CNTN4: variants seen among roughly 807,000 people sequenced by gnomAD.
CNTN4 encodes the protein contactin 4.
A neutral mutation model predicts 122.5 loss-of-function variants in CNTN4; 77 were observed. That is an observed-to-expected ratio of 0.63 (90% CI 0.52 to 0.76). CNTN4 has a LOEUF of 0.76. CNTN4 is among the 30% of genes least tolerant of loss of function. CNTN4 has a pLI of 0.00. For synonymous variants in CNTN4, 512 were observed against 447.0 expected, an observed-to-expected ratio of 1.15 and a Z score of -1.83; for missense variants, 1,256 against 1,259.1, an observed-to-expected ratio of 1.00 and a Z score of 0.04.
chr3:3,036,798 AAAG>A (rs1699649126), intron 17 of CNTN4, among the ~76,000 whole-genome samples: 1 of 152,114 alleles, frequency 6.6e-6, no homozygotes, highest in African/African-American at 2.4e-5. Context: ...AAAAAAAAGA[AAAG>A]AAAAAAAGAA....
At chr3:2,975,108 C>T (rs1184901233) in intron 13 of CNTN4, among the ~76,000 whole-genome samples, 1 of 151,888 alleles carries the variant, frequency 6.6e-6, no homozygotes, top group Admixed American at 6.6e-5. Context: ...TTTACTTTTG[C>T]TTCTGCTTTC....
chr3:2,687,362 C>T (rs1011395367), intron 4 of CNTN4, among the ~76,000 whole-genome samples: 1 of 43,682 alleles, frequency 2.3e-5, no homozygotes, highest in African/African-American at 8.6e-5. Flanking sequence ...TTTTAATTTG[C>T]AATATCTGAT....
intron 3 of CNTN4, among the ~76,000 whole-genome samples, chr3:2,350,854 G>A (rs1213596029): frequency 1.3e-5 from 2 of 152,318 alleles, no homozygotes; most frequent in African/African-American, 2.4e-5. Context: ...TTATGCATGA[G>A]TAAGAAATAT....
chr3:2,560,788 A>G (rs915875900), intron 3 of CNTN4, among the ~76,000 whole-genome samples: 3 of 152,252 alleles, frequency 2.0e-5, no homozygotes, highest in Non-Finnish European at 4.4e-5. Context: ...ATGAGGGAAG[A>G]CCCTGTCTTA....
At chr3:2,964,001 T>C (rs7626135) in intron 13 of CNTN4, among the ~76,000 whole-genome samples, 70,176 of 152,040 alleles carry the variant, frequency 0.46, 17,546 homozygotes, top group East Asian at 0.68. Flanking sequence ...CGTATCAGTT[T>C]TGTTCACTAT....
intron 4 of CNTN4, among the ~76,000 whole-genome samples, chr3:2,727,622 AC>A (rs1437481703): frequency 6.6e-6 from 1 of 152,050 alleles, no homozygotes; most frequent in Non-Finnish European, 1.5e-5. Context: ...CCAAGGAGAG[AC>A]CCTTTTTAGC....
chr3:2,306,176 G>C (rs746162996), intron 2 of CNTN4, among the ~76,000 whole-genome samples: 6 of 152,208 alleles, frequency 3.9e-5, no homozygotes, highest in South Asian at 2.1e-4. Context: ...ATATGGTAAA[G>C]CTATGATGAA....
chr3:2,598,885 G>A (rs1349423431), intron 4 of CNTN4, among the ~76,000 whole-genome samples: 3 of 151,822 alleles, frequency 2.0e-5, no homozygotes, highest in Non-Finnish European at 4.4e-5. Context: ...TCTTACTAAT[G>A]GTAATAACTT....
intron 2 of CNTN4, among the ~76,000 whole-genome samples, chr3:2,205,184 A>C (rs2038281617): frequency 6.6e-6 from 1 of 151,330 alleles, no homozygotes; most frequent in Non-Finnish European, 1.5e-5. Flanking sequence ...TCATACTTTT[A>C]AATACATGGA....
intron 14 of CNTN4, among the ~76,000 whole-genome samples, chr3:3,014,482 T>C (rs543772420): frequency 6.6e-6 from 1 of 152,266 alleles, no homozygotes; most frequent in South Asian, 2.1e-4. Flanking sequence ...AGGGTTTCTA[T>C]TTTAATATCA....
intron 4 of CNTN4, among the ~76,000 whole-genome samples, chr3:2,714,156 G>A (rs1011824625): frequency 6.6e-6 from 1 of 151,724 alleles, no homozygotes; most frequent in Non-Finnish European, 1.5e-5. Context: ...GGCAGTGTTG[G>A]GACTTTTATC....
chr3:2,477,310 G>C (rs1278673576), intron 3 of CNTN4, among the ~76,000 whole-genome samples: 2 of 152,116 alleles, frequency 1.3e-5, no homozygotes, highest in African/African-American at 4.8e-5. Flanking sequence ...TGCTGGAAGA[G>C]TTACTTAGTT....
chr3:2,615,580 TA>T (rs34469454), intron 4 of CNTN4, among the ~76,000 whole-genome samples: 112,090 of 151,856 alleles, frequency 0.74, 43,030 homozygotes, highest in African/African-American at 0.94. Context: ...TATTTCACTC[TA>T]AAAAAAAACT....
chr3:2,639,542 AC>A (rs745572000), intron 4 of CNTN4, among the ~76,000 whole-genome samples: 28 of 152,188 alleles, frequency 1.8e-4, no homozygotes, highest in Non-Finnish European at 2.9e-4. Flanking sequence ...ACATTTATAA[AC>A]TTCTAACACA....
intron 20 of CNTN4, chr3:3,041,211 C>T (rs542489892): frequency 2.6e-5 from 4 of 152,324 alleles, no homozygotes; most frequent in African/African-American, 4.8e-5. Flanking sequence ...TATTCCCAAT[C>T]AGAGAGATCA....
In CNTN4 at chr3:2,575,809, C is replaced by CTT. The variant is rs56303805; in HGVS notation, c.55+4278_55+4279dup. On this transcript the variant is annotated intron_variant, in intron 4 of 24. Transcript: ENST00000418658. Reference sequence around the variant, plus strand: ...TGATATATTTTGCTTTCTTCTTCTTCTTTTTTTTTTTTTTTTTTTTTTTTT... The same window carrying CTT: ...TGATATATTTTGCTTTCTTCTTCTTCTTTTTTTTTTTTTTTTTTTTTTTTTTT... Among the ~76,000 whole-genome samples, 79 of 101,236 alleles carry CTT rather than the reference C, an allele frequency of 7.8e-4. 2 individuals are homozygous for CTT. Among genetic ancestry groups the CTT allele is most frequent in the African/African-American group, 1.7e-3 (45 of 26,776 alleles). 66.4% of individuals were successfully genotyped at this position (101,236 alleles called of 152,430 possible).
intron 3 of CNTN4, among the ~76,000 whole-genome samples, chr3:2,528,248 T>A (rs1044745572): frequency 6.6e-6 from 1 of 152,216 alleles, no homozygotes. Context: ...TTCTTTGTTG[T>A]ATTTCAGAAA....
intron 2 of CNTN4, among the ~76,000 whole-genome samples, chr3:2,266,174 C>T (rs1282685976): frequency 2.0e-5 from 3 of 152,042 alleles, no homozygotes; most frequent in Admixed American, 1.3e-4. Context: ...AATTTTACCC[C>T]ATTCAGTATG....
intron 6 of CNTN4, among the ~76,000 whole-genome samples, chr3:2,766,723 C>G (rs2090877885): frequency 6.6e-6 from 1 of 151,840 alleles, no homozygotes; most frequent in Non-Finnish European, 1.5e-5. Flanking sequence ...CAAATACCCC[C>G]TGTTCCCCCA....
Sources: allele counts gnomAD v4.1 joint callset (sites outside exome capture counted in the v4.1 genomes callset), GRCh38; gene constraint gnomAD v4.1.1; transcripts MANE v1.5; gene names NCBI Gene and HGNC (gene_info 2026-07-23, HGNC 2026-07-21).